Variants in GABRG3 observed in about 807,000 individuals in gnomAD.
GABRG3 encodes the protein gamma-aminobutyric acid receptor subunit gamma-3.
Under a neutral mutation model 48.8 loss-of-function variants are expected in GABRG3, and 25 were observed. The ratio of observed to expected loss-of-function variants is 0.51; its 90% CI spans 0.37 to 0.72. GABRG3 has a LOEUF of 0.72. Ranked by LOEUF, GABRG3 falls within the 30% of genes least tolerant of loss-of-function variation. The pLI is 0.00. For synonymous variants in GABRG3, 227 were observed against 217.6 expected, an observed-to-expected ratio of 1.04 and a Z score of -0.38; for missense variants, 394 against 577.9, an observed-to-expected ratio of 0.68 and a Z score of 3.26.
chr15:27,296,848 C>CT (rs34801465), intron 3 of GABRG3, among the ~76,000 whole-genome samples: 2,366 of 147,170 alleles, frequency 0.016, 64 homozygotes, highest in African/African-American at 0.055. Flanking sequence ...ACTCCTTCTA[C>CT]TTTTTTTTTT....
chr15:27,321,513 AAAAATGGTTTTACTCT>A (rs1458108186), intron 3 of GABRG3, among the ~76,000 whole-genome samples: 52 of 152,374 alleles, frequency 3.4e-4, no homozygotes, highest in Admixed American at 9.8e-4. Context: ...AGGAAAAAAT[AAAAATGGTTTTACTCT>A]AATCACTGCA....
Position 27,450,860 on chromosome 15 carries a change from G to A in GABRG3, c.575-29790G>A, listed in dbSNP as rs527814455. Among the ~76,000 whole-genome samples the A allele has an allele frequency of 3.3e-5, 5 of 152,290 alleles. No homozygotes were observed. The East Asian group carries it at 9.6e-4, about 29-fold the overall frequency. On this transcript the variant is annotated intron_variant, in intron 5 of 9. Transcript: ENST00000615808. ...AAAACTAATAAACAAATTCAGTACAGTTGTGAGGCAGAAAATCAACATGCA... is the reference window on the plus strand; with the variant it reads ...AAAACTAATAAACAAATTCAGTACAATTGTGAGGCAGAAAATCAACATGCA...
At chr15:27,364,977 A>G (rs1895143818) in intron 5 of GABRG3, 1 of 152,178 alleles carries the variant, frequency 6.6e-6, no homozygotes, top group African/African-American at 2.4e-5. Context: ...GTAGACACAT[A>G]TTCCTCAAAT....
intron 5 of GABRG3, among the ~76,000 whole-genome samples, chr15:27,433,658 A>G (rs1377281254): frequency 2.0e-5 from 3 of 152,132 alleles, no homozygotes; most frequent in Admixed American, 6.5e-5. Context: ...GTAGCCCTCC[A>G]TGAGTTTAGG....
chr15:27,152,883 T>C lies in GABRG3; in HGVS notation c.270+126062T>C, dbSNP rs952122339. 1.6e-4 allele frequency among the ~76,000 whole-genome samples: 24 copies of C among 149,266 alleles called. No individual in the cohort carries two copies. In the East Asian group the frequency reaches 2.9e-3, roughly 18 times the overall value. On this transcript the variant is annotated intron_variant, in intron 3 of 9. Coordinates refer to ENST00000615808, the MANE Select transcript of GABRG3 (RefSeq NM_033223.5). ...TTAATTTTTTTTTTTTTTTTTGAGA[T>C]GGAGTCTCGCTCTGTCGCCCAGGCT...
chr15:27,203,834 T>C (rs901352189), intron 3 of GABRG3, among the ~76,000 whole-genome samples: 30 of 152,204 alleles, frequency 2.0e-4, no homozygotes, highest in African/African-American at 7.0e-4. Context: ...TGCATGCATG[T>C]CTTCTTTTGA....
chr15:27,096,488 A>G (rs1040051532), intron 3 of GABRG3, among the ~76,000 whole-genome samples: 17 of 152,232 alleles, frequency 1.1e-4, no homozygotes, highest in Non-Finnish European at 2.1e-4. Context: ...AGGGCTGCTG[A>G]GCTGGAATCT....
chr15:27,193,525 G>T (rs62001268), intron 3 of GABRG3, among the ~76,000 whole-genome samples: 38,845 of 151,648 alleles, frequency 0.26, 5,726 homozygotes, highest in South Asian at 0.43. Context: ...CTCCGAGCCA[G>T]GTGCAGGATA....
chr15:27,487,554 A>AAG (rs1890250311), intron 6 of GABRG3, among the ~76,000 whole-genome samples: 1 of 152,108 alleles, frequency 6.6e-6, no homozygotes, highest in Non-Finnish European at 1.5e-5. Flanking sequence ...CCAGGGCCAC[A>AAG]AAGAGTTAAT....
chr15:27,257,246 A>G (rs1336912224), intron 3 of GABRG3, among the ~76,000 whole-genome samples: 1 of 151,942 alleles, frequency 6.6e-6, no homozygotes, highest in Admixed American at 6.6e-5. Flanking sequence ...CCTTTTTAAA[A>G]TCAGTTTATT....
intron 3 of GABRG3, among the ~76,000 whole-genome samples, chr15:27,128,628 G>A (rs1033766406): frequency 5.9e-5 from 9 of 152,196 alleles, no homozygotes; most frequent in Non-Finnish European, 1.2e-4. Context: ...GCAACACTGA[G>A]CATTTGTAAA....
At chr15:27,097,663 C>T (rs891335644) in intron 3 of GABRG3, among the ~76,000 whole-genome samples, 1 of 152,136 alleles carries the variant, frequency 6.6e-6, no homozygotes, top group African/African-American at 2.4e-5. Flanking sequence ...CCCACCTACC[C>T]AGTCCCCACT....
At chr15:27,234,725 T>A (rs567780347) in intron 3 of GABRG3, among the ~76,000 whole-genome samples, 2 of 152,316 alleles carry the variant, frequency 1.3e-5, no homozygotes, top group African/African-American at 4.8e-5. Context: ...AATCTTTATA[T>A]TGAAGTGGCT....
chr15:27,256,399 C>CCT (rs1890618960), intron 3 of GABRG3, among the ~76,000 whole-genome samples: 7 of 150,572 alleles, frequency 4.6e-5, no homozygotes, highest in Non-Finnish European at 1.0e-4. Flanking sequence ...CGAGATGGCG[C>CCT]CACTGCACTC....
At chr15:27,006,981 T>G (rs1895598208) in intron 2 of GABRG3, among the ~76,000 whole-genome samples, 1 of 151,438 alleles carries the variant, frequency 6.6e-6, no homozygotes, top group African/African-American at 2.4e-5. Context: ...TGGGACCACA[T>G]GCACACACCA....
intron 5 of GABRG3, among the ~76,000 whole-genome samples, chr15:27,337,850 AC>A (rs1894028201): frequency 6.6e-6 from 1 of 152,178 alleles, no homozygotes; most frequent in Admixed American, 6.5e-5. Flanking sequence ...TCTCACACAC[AC>A]AAATAAGCCT....
At chr15:27,488,183 C>T (rs911501781) in intron 6 of GABRG3, among the ~76,000 whole-genome samples, 9 of 152,132 alleles carry the variant, frequency 5.9e-5, no homozygotes, top group African/African-American at 2.2e-4. Flanking sequence ...CTTAGTAGTC[C>T]CTGGGCTTTT....
At chr15:27,301,804 A>G (rs573215806) in intron 3 of GABRG3, among the ~76,000 whole-genome samples, 3 of 152,146 alleles carry the variant, frequency 2.0e-5, no homozygotes, top group Admixed American at 6.6e-5. Context: ...TTTACAAAAA[A>G]TATAAAAGCA....
chr15:27,241,510 C>T (rs1204861014), intron 3 of GABRG3, among the ~76,000 whole-genome samples: 3 of 152,192 alleles, frequency 2.0e-5, no homozygotes, highest in Admixed American at 1.3e-4. Flanking sequence ...GAATGTCACA[C>T]TTCCTGGAGC....
Sources: gnomAD v4.1 joint callset for allele counts (sites outside exome capture counted in the v4.1 genomes callset) on GRCh38, gnomAD v4.1.1 for gene constraint, MANE v1.5 for transcripts, NCBI Gene and HGNC (gene_info 2026-07-23, HGNC 2026-07-21) for gene names.